Variants in LRRN2 observed in about 807,000 individuals in gnomAD.
LRRN2 encodes the protein leucine rich repeat neuronal 2.
A neutral mutation model predicts 35.7 loss-of-function variants in LRRN2; 10 were observed. The ratio of observed to expected loss-of-function variants is 0.28; its 90% CI spans 0.17 to 0.47. LRRN2 has a LOEUF of 0.47. LRRN2 is among the 20% of genes least tolerant of loss of function. The probability of loss-of-function intolerance (pLI) is 0.99; values close to 1 mark genes in which losing one functional copy is unlikely to be tolerated. For synonymous variants in LRRN2, 391 were observed against 409.6 expected (o/e 0.95, Z 0.55); for missense variants, 731 against 940.3 (o/e 0.78, Z 2.91).
At chr1:204,673,592 C>T (rs1668755847) in intron 1 of LRRN2, among the ~76,000 whole-genome samples, 1 of 152,218 alleles carries the variant, frequency 6.6e-6, no homozygotes, top group African/African-American at 2.4e-5. Flanking sequence ...CAACAGATTG[C>T]AGCATCAAGA....
chr1:204,642,654 T>C (rs1163189362), intron 1 of LRRN2, among the ~76,000 whole-genome samples: 1 of 152,210 alleles, frequency 6.6e-6, no homozygotes, highest in Non-Finnish European at 1.5e-5. Flanking sequence ...GCAGGGACCA[T>C]GTCCGGCAGG....
At position 204,652,790 on chromosome 1, in the gene LRRN2, C is replaced by T. The variant is rs185201702; in HGVS notation, c.-227+32530G>A. ...GGACACCTGCAGATTGAACAGCTTC[C>T]AAGCAGGTGATTCCAATGCAGGCAG... On this transcript the variant is annotated intron_variant, in intron 1 of 1. Coordinates refer to ENST00000367177, the MANE Select transcript of LRRN2 (RefSeq NM_201630.2). Among the ~76,000 whole-genome samples the T allele has an allele frequency of 2.0e-5, 3 of 152,326 alleles. No homozygotes were observed. The East Asian group carries it at 5.8e-4, about 29-fold the overall frequency.
intron 1 of LRRN2, among the ~76,000 whole-genome samples, chr1:204,669,149 G>A (rs1437564417): frequency 2.0e-5 from 3 of 152,208 alleles, no homozygotes; most frequent in Admixed American, 2.0e-4. Flanking sequence ...ACACGTGAAA[G>A]ATTAATGCTA....
intron 1 of LRRN2, among the ~76,000 whole-genome samples, chr1:204,631,826 G>A (rs1311164200): frequency 6.6e-6 from 1 of 152,042 alleles, no homozygotes; most frequent in African/African-American, 2.4e-5. Context: ...CTCCCCGTGG[G>A]TCTTGAGAGT....
chr1:204,631,256 C>CA (rs1282306008), intron 1 of LRRN2, among the ~76,000 whole-genome samples: 1 of 36,910 alleles, frequency 2.7e-5, no homozygotes, highest in African/African-American at 9.6e-5. Flanking sequence ...CTAGAGTGTT[C>CA]TATATATATA....
rs1408820442 is a variant in LRRN2, at chr1:204,683,579, C to CT, written c.-227+1740dup. 2.6e-5 allele frequency among the ~76,000 whole-genome samples: 4 copies of CT among 152,126 alleles called. No homozygotes were observed. In the East Asian group the frequency reaches 7.7e-4, roughly 29 times the overall value. ...TAGCCTGGATGGAATTAGCAGATCT[C>CT]TGAGATCTTACTGCCACTCGGTGTT... On this transcript the variant is annotated intron_variant, in intron 1 of 1. Coordinates refer to ENST00000367177, the MANE Select transcript of LRRN2 (RefSeq NM_201630.2).
At chr1:204,674,326 A>C (rs1668776399) in intron 1 of LRRN2, among the ~76,000 whole-genome samples, 1 of 135,748 alleles carries the variant, frequency 7.4e-6, no homozygotes, top group Admixed American at 7.7e-5. Context: ...CCTCCTCACT[A>C]CTCTCCCAGC....
Position 204,619,098 on chromosome 1 carries a change from C to T in LRRN2, c.895G>A (p.Val299Ile). The part of the protein sequence containing the change: ...ELGLNNMEEL[V>I]SIDKFALVNL... ...ACCAGGGCAAACTTGTCGATGGAGACCAGCTCCTCCATGTTGTTCAGTCCC... is the reference window on the plus strand; with the variant it reads ...ACCAGGGCAAACTTGTCGATGGAGATCAGCTCCTCCATGTTGTTCAGTCCC... Residue 299 changes from valine to isoleucine, a missense_variant, in exon 2 of 2, where the codon GTC becomes ATC. Physicochemically the swap from Val to Ile is conservative, Grantham distance 29. Transcript: ENST00000367177. The T allele has an allele frequency of 1.9e-6, 3 of 1,608,562 alleles. No individual in the cohort carries two copies. The highest frequency in any genetic ancestry group is 1.7e-6 in the Non-Finnish European group (2 of 1,176,520).
At chr1:204,646,741 T>C (rs1035599166) in intron 1 of LRRN2, among the ~76,000 whole-genome samples, 3 of 152,260 alleles carry the variant, frequency 2.0e-5, no homozygotes, top group African/African-American at 7.2e-5. Context: ...ATAATGTTTT[T>C]GATATATTGG....
intron 1 of LRRN2, among the ~76,000 whole-genome samples, chr1:204,674,428 C>T (rs988926745): frequency 1.3e-5 from 2 of 152,142 alleles, no homozygotes; most frequent in Non-Finnish European, 2.9e-5. Flanking sequence ...AGACCAACAC[C>T]GGGGAGCTGG....
Position 204,676,808 on chromosome 1 carries a change from T to G in LRRN2, c.-227+8512A>C, listed in dbSNP as rs181628459. Among the ~76,000 whole-genome samples, 6 of 152,310 alleles carry G rather than the reference T, an allele frequency of 3.9e-5. No homozygotes were observed. The East Asian group carries it at 1.2e-3, about 29-fold the overall frequency. On this transcript the variant is annotated intron_variant, in intron 1 of 1. Coordinates refer to ENST00000367177, the MANE Select transcript of LRRN2 (RefSeq NM_201630.2). ...AAAAGGAACTAACATTTATTGAGCTTCTACTTTGTAGCAGGTACTTTACAC... is the reference window on the plus strand; with the variant it reads ...AAAAGGAACTAACATTTATTGAGCTGCTACTTTGTAGCAGGTACTTTACAC...
At chr1:204,620,495 G>A (rs1809276) in intron 1 of LRRN2, 14,724 of 181,170 alleles carry the variant, frequency 0.081, 914 homozygotes, top group East Asian at 0.31. Flanking sequence ...GGCTGGTCTC[G>A]AACTCCTGAC....
At chr1:204,632,957 G>A (rs1321946885) in intron 1 of LRRN2, among the ~76,000 whole-genome samples, 1 of 151,752 alleles carries the variant, frequency 6.6e-6, no homozygotes, top group Non-Finnish European at 1.5e-5. Context: ...AAATTCTTCT[G>A]TATTCACAAT....
chr1:204,667,940 G>A (rs1019820862), intron 1 of LRRN2, among the ~76,000 whole-genome samples: 7 of 152,136 alleles, frequency 4.6e-5, no homozygotes, highest in African/African-American at 9.7e-5. Flanking sequence ...TCAAGAGCTC[G>A]CACGTTATCC....
chr1:204,675,402 G>A (rs999085336), intron 1 of LRRN2, among the ~76,000 whole-genome samples: 3 of 152,312 alleles, frequency 2.0e-5, no homozygotes, highest in African/African-American at 7.2e-5. Context: ...GCTAGGTGTC[G>A]GTAGGGTTGT....
At chr1:204,678,748 C>A (rs987629447) in intron 1 of LRRN2, among the ~76,000 whole-genome samples, 1 of 152,134 alleles carries the variant, frequency 6.6e-6, no homozygotes, top group Admixed American at 6.5e-5. Context: ...TCAGATATCA[C>A]CTTCTCAGTG....
At chr1:204,652,271 G>GCCCCCCGGC (rs1668251282) in intron 1 of LRRN2, among the ~76,000 whole-genome samples, 1 of 70,620 alleles carries the variant, frequency 1.4e-5, no homozygotes, top group African/African-American at 6.7e-5. Flanking sequence ...CCCCCCCCCC[G>GCCCCCCGGC]CCCCCCCGCC....
intron 1 of LRRN2, among the ~76,000 whole-genome samples, chr1:204,661,405 C>T (rs1668468836): frequency 6.6e-6 from 1 of 152,148 alleles, no homozygotes; most frequent in Admixed American, 6.5e-5. Flanking sequence ...GATTTGTTTG[C>T]TTCACTATAT....
At chr1:204,677,392 T>C (rs185753985) in intron 1 of LRRN2, among the ~76,000 whole-genome samples, 167 of 152,300 alleles carry the variant, frequency 1.1e-3, no homozygotes, top group African/African-American at 3.9e-3. Context: ...TACTCCACTC[T>C]GGTGATCTCT....
Sources: gnomAD v4.1 joint callset for allele counts (sites outside exome capture counted in the v4.1 genomes callset) on GRCh38, gnomAD v4.1.1 for gene constraint, MANE v1.5 for transcripts, NCBI Gene and HGNC (gene_info 2026-07-23, HGNC 2026-07-21) for gene names.